The following CNN3 variants were observed in gnomAD, a reference collection of about 807,000 sequenced individuals.
CNN3 encodes calponin-3.
Under a neutral mutation model 39.0 loss-of-function variants are expected in CNN3, and 11 were observed. The observed-to-expected ratio is 0.28, with a 90% confidence interval of 0.18 to 0.47. The LOEUF is 0.47. CNN3 is among the 20% of genes least tolerant of loss of function. The pLI, the probability that CNN3 is intolerant of heterozygous loss-of-function variation, is 0.99. For synonymous variants in CNN3, 101 were observed against 138.3 expected (o/e 0.73, Z 1.89); for missense variants, 266 against 403.4 (o/e 0.66, Z 2.92).
chr1:94,926,793 C>G lies in CNN3; in HGVS notation c.57+45G>C. 2 of 1,591,854 alleles carry G rather than the reference C, an allele frequency of 1.3e-6. No individual in the cohort carries two copies. The highest frequency in any genetic ancestry group is 1.1e-5 in the South Asian group (1 of 88,494). ...AGCACGGCCCAGCGCCAGGCCAGCC[C>G]AAGGGTGCCCCGGGGGCCCCCGCGC... On this transcript the variant is annotated intron_variant, in intron 1 of 6. Coordinates refer to ENST00000370206, the MANE Select transcript of CNN3 (RefSeq NM_001839.5). The surrounding 1 kb of genome is among the most constrained non-coding windows in gnomAD (Gnocchi z 4.2).
rs1670809977 is a variant in CNN3, at chr1:94,899,509, G to A, written c.510C>T (p.Thr170=). 1.2e-6 allele frequency: 2 copies of A among 1,609,916 alleles called. No homozygotes were observed. The highest frequency in any genetic ancestry group is 4.5e-5 in the East Asian group (2 of 44,748). The change falls in exon 6 of 7, where the codon ACC becomes ACT. Residue 170 remains threonine, a synonymous_variant. Coordinates refer to ENST00000370206, the MANE Select transcript of CNN3 (RefSeq NM_001839.5). ...GQSVIGLQMG[T]NKCASQAGMT... ...TACCTGCCTGGCTGGCACATTTGTT[G>A]GTTCCCATCTTTTAAGTTAAAAATA... is the stretch of plus-strand genomic sequence containing the variant.
chr1:94,907,732 C>T (rs946870086), intron 1 of CNN3, among the ~76,000 whole-genome samples: 35 of 152,158 alleles, frequency 2.3e-4, no homozygotes, highest in Admixed American at 9.8e-4. Flanking sequence ...TGGTGGCGGG[C>T]GCCTGTAGTC....
At chr1:94,904,768 A>AC (rs1553216272) in intron 1 of CNN3, among the ~76,000 whole-genome samples, 1 of 151,444 alleles carries the variant, frequency 6.6e-6, no homozygotes, top group Non-Finnish European at 1.5e-5. Flanking sequence ...CCAAAAAAAA[A>AC]CCCACAGCTG....
chr1:94,923,960 G>A (rs1261761355), intron 1 of CNN3, among the ~76,000 whole-genome samples: 1 of 152,012 alleles, frequency 6.6e-6, no homozygotes, highest in Non-Finnish European at 1.5e-5. Context: ...GGCAGGAAGT[G>A]GCAGAACGGG....
At chr1:94,917,648 A>T (rs1671321017) in intron 1 of CNN3, among the ~76,000 whole-genome samples, 1 of 152,238 alleles carries the variant, frequency 6.6e-6, no homozygotes, top group South Asian at 2.1e-4. Flanking sequence ...AAGTACTTTT[A>T]AAGGAAATAT....
chr1:94,912,970 G>A (rs1335793423), intron 1 of CNN3, among the ~76,000 whole-genome samples: 1 of 152,196 alleles, frequency 6.6e-6, no homozygotes, highest in Admixed American at 6.5e-5. Context: ...GAAACTCGTG[G>A]TGATGTGTAC....
rs201766980 is a variant in CNN3, at chr1:94,903,153, T to C, written c.215A>G (p.Lys72Arg). ...CCAGTTCAGTGAGGACTCGTTGACC[T>C]TCTTCACTGAGCCTGGCTGTAGCTT... ...INKLQPGSVKKVNESSLNWPQ... is the reference protein window; with the variant it reads ...INKLQPGSVKRVNESSLNWPQ... Residue 72 changes from lysine to arginine, a missense_variant, in exon 3 of 7, where the codon AAG becomes AGG. Physicochemically the swap from Lys to Arg is conservative, Grantham distance 26 (BLOSUM62 2). Transcript: ENST00000370206. 8.8e-5 allele frequency: 142 copies of C among 1,612,802 alleles called. No homozygotes were observed. The highest frequency in any genetic ancestry group is 1.2e-4 in the Non-Finnish European group (138 of 1,179,328).
chr1:94,907,150 C>T (rs989103146), intron 1 of CNN3, among the ~76,000 whole-genome samples: 29 of 152,190 alleles, frequency 1.9e-4, no homozygotes, highest in African/African-American at 6.5e-4. Flanking sequence ...AGAAGAAATT[C>T]GTATGTACAA....
chr1:94,902,727 C>T (rs1670900003), intron 3 of CNN3, among the ~76,000 whole-genome samples: 1 of 152,156 alleles, frequency 6.6e-6, no homozygotes, highest in Non-Finnish European at 1.5e-5. Flanking sequence ...TCCTCATACA[C>T]ACTCATGAAC....
chr1:94,923,347 C>T (rs147124081), intron 1 of CNN3, among the ~76,000 whole-genome samples: 11 of 152,252 alleles, frequency 7.2e-5, no homozygotes, highest in Non-Finnish European at 1.2e-4. Flanking sequence ...CATCCTCCAC[C>T]GAACCATCCC....
chr1:94,922,989 C>T (rs1236671460), intron 1 of CNN3, among the ~76,000 whole-genome samples: 1 of 152,122 alleles, frequency 6.6e-6, no homozygotes, highest in Non-Finnish European at 1.5e-5. Flanking sequence ...CAGTTAGCTT[C>T]CTCCCAAAAA....
intron 3 of CNN3, 68 bp downstream of exon 3, chr1:94,903,054 C>T: frequency 8.1e-7 from 1 of 1,229,072 alleles, no homozygotes; most frequent in African/African-American, 1.6e-5. Context: ...AAAACCAAAC[C>T]TGAAATCAAG....
rs1382589608 is a variant in CNN3 at position 94,920,268 on chromosome 1, G to A, written c.57+6570C>T. ...CACGCTGCCTGGTGGTGGAGTCCTG[G>A]ATAAGGACTCTGGGGCAGATCACAT... On this transcript the variant is annotated intron_variant, in intron 1 of 6. Coordinates refer to ENST00000370206, the MANE Select transcript of CNN3 (RefSeq NM_001839.5). Among the ~76,000 whole-genome samples the A allele has an allele frequency of 2.0e-5, 3 of 152,162 alleles. No individual in the cohort carries two copies. The South Asian group carries it at 6.2e-4, about 32-fold the overall frequency.
intron 5 of CNN3, 60 bp downstream of exon 5, chr1:94,901,609 G>T: frequency 2.6e-6 from 3 of 1,173,724 alleles, no homozygotes; most frequent in Non-Finnish European, 2.5e-6. Flanking sequence ...TTAATATTTT[G>T]CATGGTGAGA....
At chr1:94,921,751 C>T (rs533421484) in intron 1 of CNN3, among the ~76,000 whole-genome samples, 7 of 152,162 alleles carry the variant, frequency 4.6e-5, no homozygotes, top group South Asian at 2.1e-4. Flanking sequence ...GTGAGCCTGA[C>T]GATAATCCTC....
rs1030603934 is a variant in CNN3 at position 94,927,103 on chromosome 1, A to T, written c.-209T>A. 4.1e-6 allele frequency: 2 copies of T among 487,192 alleles called. No homozygotes were observed. The highest frequency in any genetic ancestry group is 7.2e-6 in the Non-Finnish European group (2 of 279,286). The allele number at this position is 487,192 out of a possible 1,614,324, so 30.2% of individuals were successfully genotyped here. ...AGAGCCTCGAGCTCCGCTGCGAAGC[A>T]CCCGGCTGCCTCGCTCGCCGCCCGC... On this transcript the variant is annotated 5_prime_UTR_variant, in exon 1 of 7. Transcript: ENST00000370206.
chr1:94,901,544 T>C (rs991953404), intron 5 of CNN3, 125 bp downstream of exon 5: 13 of 574,534 alleles, frequency 2.3e-5, no homozygotes, highest in Non-Finnish European at 3.6e-5. Flanking sequence ...ATAAATTGTA[T>C]AAACTACACC....
chr1:94,913,646 T>C (rs980791557), intron 1 of CNN3, among the ~76,000 whole-genome samples: 2 of 152,206 alleles, frequency 1.3e-5, no homozygotes, highest in Non-Finnish European at 2.9e-5. Context: ...AAACCATATA[T>C]AGCCTATTAT....
intron 1 of CNN3, among the ~76,000 whole-genome samples, chr1:94,912,907 G>C (rs1037721938): frequency 6.6e-5 from 10 of 152,086 alleles, no homozygotes; most frequent in Non-Finnish European, 1.3e-4. Context: ...CTAGAAGGAG[G>C]GTACAGTCAG....
Sources: gnomAD v4.1 joint callset for allele counts (sites outside exome capture counted in the v4.1 genomes callset) on GRCh38, gnomAD v4.1.1 for gene constraint, Gnocchi (gnomAD v3.1) non-coding constraint, MANE v1.5 for transcripts, NCBI Gene and HGNC (gene_info 2026-07-23, HGNC 2026-07-21) for gene names.